GLIS3: variants seen among roughly 807,000 people sequenced by gnomAD.
GLIS3 encodes GLIS family zinc finger 3.
In GLIS3, 53 loss-of-function variants were observed where a neutral mutation model predicts 78.6. The ratio of observed to expected loss-of-function variants is 0.67; its 90% CI spans 0.54 to 0.85. The LOEUF (loss-of-function observed/expected upper bound fraction) is 0.85. GLIS3 is among the 40% of genes least tolerant of loss of function. The pLI, the probability that GLIS3 is intolerant of heterozygous loss-of-function variation, is 0.00. For missense variants in GLIS3, 1,703 were observed against 1,231.1 expected (o/e 1.38, Z -5.74); for synonymous variants, 684 against 509.9 (o/e 1.34, Z -4.60).
the GLIS3 span, among the ~76,000 whole-genome samples, chr9:4,472,668 A>G: frequency 6.6e-6 from 1 of 152,096 alleles, no homozygotes; most frequent in Non-Finnish European, 1.5e-5. Flanking sequence ...ATGACGAGTT[A>G]ATGGGTGCAG....
chr9:3,976,488 C>T (rs1019842223), intron 4 of GLIS3, among the ~76,000 whole-genome samples: 4 of 125,616 alleles, frequency 3.2e-5, no homozygotes, highest in African/African-American at 8.4e-5. Context: ...TGTCCCATTG[C>T]CTATTTTTTT....
At chr9:4,337,441 G>C (rs186852718) in intron 2 of GLIS3, among the ~76,000 whole-genome samples, 73 of 152,236 alleles carry the variant, frequency 4.8e-4, no homozygotes, top group South Asian at 1.2e-3. Context: ...ATACAAAATC[G>C]TACGGACAGT....
At chr9:3,924,588 G>T (rs139928108) in intron 6 of GLIS3, among the ~76,000 whole-genome samples, 256 of 152,306 alleles carry the variant, frequency 1.7e-3, no homozygotes, top group African/African-American at 4.8e-3. Flanking sequence ...AATCTTCACA[G>T]ATCAGAGAGC....
chr9:4,014,382 TAG>T (rs1822274334), intron 4 of GLIS3, among the ~76,000 whole-genome samples: 1 of 152,074 alleles, frequency 6.6e-6, no homozygotes, highest in Non-Finnish European at 1.5e-5. Flanking sequence ...TATTTAGAAA[TAG>T]AGTCTCTGCA....
At chr9:4,457,121 G>A in the GLIS3 span, among the ~76,000 whole-genome samples, 1 of 152,098 alleles carries the variant, frequency 6.6e-6, no homozygotes, top group African/African-American at 2.4e-5. Context: ...TCAGAGCTTT[G>A]GGAGGCTGAG....
chr9:4,329,798 T>C (rs1416452163), intron 2 of GLIS3, among the ~76,000 whole-genome samples: 1 of 152,184 alleles, frequency 6.6e-6, no homozygotes, highest in African/African-American at 2.4e-5. Context: ...GTATTAATAC[T>C]GTCATTTCTT....
At chr9:4,447,120 T>C in the GLIS3 span, among the ~76,000 whole-genome samples, 1 of 152,034 alleles carries the variant, frequency 6.6e-6, no homozygotes, top group East Asian at 1.9e-4. Context: ...CAATCGCAGC[T>C]CACTGCAGCA....
chr9:4,104,167 T>C (rs1830584190), intron 4 of GLIS3, among the ~76,000 whole-genome samples: 1 of 152,072 alleles, frequency 6.6e-6, no homozygotes, highest in Non-Finnish European at 1.5e-5. Context: ...TCTCATCTGA[T>C]CTCCAGATTC....
the GLIS3 span, among the ~76,000 whole-genome samples, chr9:4,462,338 GA>G: frequency 6.6e-6 from 1 of 152,186 alleles, no homozygotes; most frequent in African/African-American, 2.4e-5. Flanking sequence ...CCAAGCTCAA[GA>G]TTGGTGAAAT....
intron 4 of GLIS3, among the ~76,000 whole-genome samples, chr9:4,000,521 C>G (rs1316629910): frequency 2.0e-5 from 3 of 152,214 alleles, no homozygotes; most frequent in South Asian, 2.1e-4. Flanking sequence ...TATATTCACT[C>G]TGGTAGGTAA....
At chr9:4,468,331 T>C in the GLIS3 span, among the ~76,000 whole-genome samples, 1 of 152,032 alleles carries the variant, frequency 6.6e-6, no homozygotes, top group African/African-American at 2.4e-5. Flanking sequence ...GACACATAAT[T>C]GTCAGATTCA....
chr9:3,947,486 C>A (rs1816380887), intron 4 of GLIS3, among the ~76,000 whole-genome samples: 1 of 152,218 alleles, frequency 6.6e-6, no homozygotes, highest in Non-Finnish European at 1.5e-5. Context: ...TTTGTGGGTA[C>A]AGCCATGGGC....
chr9:4,253,172 C>CT (rs1563836532), intron 2 of GLIS3, among the ~76,000 whole-genome samples: 1 of 152,204 alleles, frequency 6.6e-6, no homozygotes, highest in Non-Finnish European at 1.5e-5. Flanking sequence ...TCTTCAGAGC[C>CT]GGCAGGCAGG....
the GLIS3 span, among the ~76,000 whole-genome samples, chr9:4,383,704 T>C: frequency 6.6e-6 from 1 of 152,234 alleles, no homozygotes; most frequent in Non-Finnish European, 1.5e-5. Flanking sequence ...ATAACCTTTC[T>C]TAGGTAATAT....
chr9:4,347,035 T>G (rs146149857), intron 2 of GLIS3: 781 of 152,324 alleles, frequency 5.1e-3, no homozygotes, highest in Non-Finnish European at 7.8e-3. Context: ...TAAAGAAATA[T>G]CTAAGGCTAG....
At chr9:4,224,721 G>GT (rs5896053) in intron 2 of GLIS3, among the ~76,000 whole-genome samples, 49,246 of 141,730 alleles carry the variant, frequency 0.35, 9,026 homozygotes, top group East Asian at 0.61. Context: ...ATCTTTTTCT[G>GT]TTTTTTTTTT....
At chr9:4,310,640 G>C (rs1429300185) in intron 2 of GLIS3, 2 of 152,334 alleles carry the variant, frequency 1.3e-5, no homozygotes, top group African/African-American at 4.8e-5. Flanking sequence ...GGGGGGAACA[G>C]ATCCAGCCCC....
chr9:4,479,557 G>T, the GLIS3 span, among the ~76,000 whole-genome samples: 1 of 152,148 alleles, frequency 6.6e-6, no homozygotes, highest in Non-Finnish European at 1.5e-5. Flanking sequence ...ACTCTAAGGA[G>T]GGTCACTCAC....
chr9:3,927,195 C>A (rs1825315426), intron 6 of GLIS3, among the ~76,000 whole-genome samples: 1 of 152,190 alleles, frequency 6.6e-6, no homozygotes, highest in Non-Finnish European at 1.5e-5. Context: ...AACCTAGTGC[C>A]TGACACGCAG....
Sources: gnomAD v4.1 joint callset for allele counts (sites outside exome capture counted in the v4.1 genomes callset) on GRCh38, gnomAD v4.1.1 for gene constraint, MANE v1.5 for transcripts, NCBI Gene and HGNC (gene_info 2026-07-23, HGNC 2026-07-21) for gene names.